DCC: variants seen among roughly 807,000 people sequenced by gnomAD.
DCC encodes the protein netrin receptor DCC.
DCC carries 58 observed loss-of-function variants against 172.5 expected under a neutral mutation model. The observed-to-expected ratio is 0.34, with a 90% CI of 0.27 to 0.42. The LOEUF is 0.42. DCC is among the 10% of genes least tolerant of loss of function. DCC has a pLI of 1.00. For missense variants in DCC, 1,740 were observed against 1,791.0 expected, an observed-to-expected ratio of 0.97 and a Z score of 0.51; for synonymous variants, 709 against 644.5, an observed-to-expected ratio of 1.10 and a Z score of -1.52.
rs555665863 is a variant in DCC at position 53,414,620 on chromosome 18, G to A, written c.3131-1504G>A. On this transcript the variant is annotated intron_variant, in intron 20 of 28. Coordinates refer to ENST00000442544, the MANE Select transcript of DCC (RefSeq NM_005215.4). ...TCCCAGCACTTTAGGAGGCCGAGGC[G>A]GGTGGATCACGAGGTCAGGAGATCG... Among the ~76,000 whole-genome samples the A allele has an allele frequency of 9.2e-5, 14 of 151,916 alleles. No homozygotes were observed. The East Asian group carries it at 9.7e-4, about 11-fold the overall frequency.
At chr18:52,872,798 G>T (rs2039342642) in intron 2 of DCC, among the ~76,000 whole-genome samples, 1 of 152,076 alleles carries the variant, frequency 6.6e-6, no homozygotes, top group Non-Finnish European at 1.5e-5. Context: ...AGGGGTTAGT[G>T]GCCCTAAAGA....
intron 1 of DCC, among the ~76,000 whole-genome samples, chr18:52,474,161 A>C (rs1331651711): frequency 6.6e-6 from 1 of 151,884 alleles, no homozygotes. Flanking sequence ...CAACTTAAGC[A>C]GAAAAGAAAT....
intron 12 of DCC, among the ~76,000 whole-genome samples, chr18:53,263,605 A>G (rs879473494): frequency 2.0e-5 from 3 of 152,196 alleles, no homozygotes; most frequent in Non-Finnish European, 4.4e-5. Flanking sequence ...TGGTGCATCT[A>G]AAATAAGGAT....
intron 15 of DCC, among the ~76,000 whole-genome samples, chr18:53,341,302 G>A (rs997821649): frequency 5.3e-5 from 8 of 152,138 alleles, no homozygotes; most frequent in African/African-American, 1.7e-4. Context: ...GAGGGAAACT[G>A]CATTGTTGAC....
chr18:52,394,659 C>G (rs777661333), intron 1 of DCC, among the ~76,000 whole-genome samples: 8 of 151,992 alleles, frequency 5.3e-5, no homozygotes, highest in African/African-American at 7.2e-5. Flanking sequence ...GAGGTCAGAC[C>G]CTTAGGAGTT....
chr18:52,948,259 A>G (rs1473450801), intron 5 of DCC, among the ~76,000 whole-genome samples: 1 of 151,986 alleles, frequency 6.6e-6, no homozygotes, highest in Admixed American at 6.6e-5. Context: ...TACCAATATC[A>G]TTATGTTTAA....
chr18:53,396,657 G>A lies in DCC; in HGVS notation c.2689-651G>A, dbSNP rs185657786. Among the ~76,000 whole-genome samples the A allele has an allele frequency of 1.2e-3, 189 of 152,296 alleles. 3 individuals carry two copies. The highest frequency in any genetic ancestry group is 4.4e-3 in the African/African-American group (183 of 41,580). On this transcript the variant is annotated intron_variant, in intron 17 of 28. Coordinates refer to ENST00000442544, the MANE Select transcript of DCC (RefSeq NM_005215.4). ...TTTTGTCTCATGTTCTCTATAAGAT[G>A]TAAATGGATTCTGGAAGCACTAAAA...
In DCC at chr18:52,926,897, A is replaced by G. The variant is rs182130841; in HGVS notation, c.985+1527A>G. 4.9e-4 allele frequency among the ~76,000 whole-genome samples: 66 copies of G among 134,374 alleles called. No homozygotes were observed. In the East Asian group the frequency reaches 0.014, roughly 28 times the overall value. 88.2% of individuals were successfully genotyped at this position (134,374 alleles called of 152,430 possible). A position where few individuals can be genotyped will look rare whatever the true frequency, so the allele number is the denominator to read the frequency against. On this transcript the variant is annotated intron_variant, in intron 5 of 28. Transcript: ENST00000442544. ...TATACATATATACACACACATACAT[A>G]TGTGTGTATATATACGTATACATAT...
At chr18:53,434,192 G>A (rs1175841867) in intron 21 of DCC, among the ~76,000 whole-genome samples, 1 of 152,046 alleles carries the variant, frequency 6.6e-6, no homozygotes, top group Non-Finnish European at 1.5e-5. Context: ...TGTCCTGGTT[G>A]GCTTTCTCTA....
intron 27 of DCC, among the ~76,000 whole-genome samples, chr18:53,499,721 C>T (rs1200835495): frequency 6.6e-6 from 1 of 152,034 alleles, no homozygotes; most frequent in African/African-American, 2.4e-5. Context: ...GCTTTTCATC[C>T]CTTTGGAAAG....
intron 2 of DCC, among the ~76,000 whole-genome samples, chr18:52,829,995 C>A (rs1463365164): frequency 6.6e-6 from 1 of 151,896 alleles, no homozygotes; most frequent in African/African-American, 2.4e-5. Flanking sequence ...AGTAAAGGTG[C>A]AAGCCTTAAA....
intron 1 of DCC, among the ~76,000 whole-genome samples, chr18:52,343,205 T>G (rs1206235625): frequency 6.6e-6 from 1 of 152,268 alleles, no homozygotes; most frequent in Non-Finnish European, 1.5e-5. Context: ...TATCACTTCT[T>G]TCTCTTAGTA....
At chr18:52,879,907 T>C (rs913763317) in intron 2 of DCC, among the ~76,000 whole-genome samples, 6 of 152,120 alleles carry the variant, frequency 3.9e-5, no homozygotes, top group Admixed American at 6.6e-5. Flanking sequence ...TGTGGGTACA[T>C]AGTAGGTGTA....
At chr18:53,312,360 AAAAG>A (rs534802917) in intron 13 of DCC, among the ~76,000 whole-genome samples, 2,565 of 60,860 alleles carry the variant, frequency 0.042, 334 homozygotes, top group African/African-American at 0.11. Context: ...AAAAAAAAAA[AAAAG>A]AAAAAGAAAA....
At chr18:53,106,849 G>C (rs576744409) in intron 7 of DCC, among the ~76,000 whole-genome samples, 1 of 151,818 alleles carries the variant, frequency 6.6e-6, no homozygotes, top group Non-Finnish European at 1.5e-5. Context: ...AAAATCATGG[G>C]GTAGATGTGC....
intron 9 of DCC, 113 bp downstream of exon 9, chr18:53,179,229 T>C (rs2055157059): frequency 1.9e-6 from 2 of 1,076,852 alleles, no homozygotes; most frequent in Non-Finnish European, 2.8e-6. Flanking sequence ...AAGAGTTTTT[T>C]TTCTTCTAAG....
chr18:53,155,583 G>A (rs2144391924), intron 7 of DCC, among the ~76,000 whole-genome samples: 1 of 152,294 alleles, frequency 6.6e-6, no homozygotes, highest in Non-Finnish European at 1.5e-5. Flanking sequence ...TTTGTGAAAA[G>A]ACAGTTTTTT....
chr18:53,187,639 G>C (rs2055303192), intron 9 of DCC, among the ~76,000 whole-genome samples: 1 of 152,006 alleles, frequency 6.6e-6, no homozygotes, highest in Non-Finnish European at 1.5e-5. Context: ...TTTAACTGCA[G>C]GTTATATTCT....
At chr18:53,379,025 A>G (rs1907523741) in intron 15 of DCC, among the ~76,000 whole-genome samples, 1 of 152,248 alleles carries the variant, frequency 6.6e-6, no homozygotes, top group African/African-American at 2.4e-5. Context: ...TCCTTTTAAG[A>G]GACCAATGCA....
Sources: allele counts gnomAD v4.1 joint callset (sites outside exome capture counted in the v4.1 genomes callset), GRCh38; gene constraint gnomAD v4.1.1; transcripts MANE v1.5; gene names NCBI Gene and HGNC (gene_info 2026-07-23, HGNC 2026-07-21).